YEATS2: variants seen among roughly 807,000 people sequenced by gnomAD.
YEATS2 encodes YEATS domain-containing protein 2.
In YEATS2, 77 loss-of-function variants were observed where a neutral mutation model predicts 163.2. The observed-to-expected ratio is 0.47, with a 90% confidence interval of 0.39 to 0.57. YEATS2 has a LOEUF of 0.57. Ranked by LOEUF, YEATS2 falls within the 20% of genes least tolerant of loss-of-function variation. The probability of loss-of-function intolerance (pLI) is 0.00; values close to 1 mark genes in which losing one functional copy is unlikely to be tolerated. For missense variants in YEATS2, 1,549 were observed against 1,729.8 expected (o/e 0.90, Z 1.85); for synonymous variants, 631 against 645.1 (o/e 0.98, Z 0.33).
At chr3:183,788,372 G>A (rs2108469356) in intron 20 of YEATS2, among the ~76,000 whole-genome samples, 1 of 152,098 alleles carries the variant, frequency 6.6e-6, no homozygotes, top group Admixed American at 6.5e-5. Context: ...TGTTTTAATT[G>A]TTAGCTCCCA....
intron 15 of YEATS2, among the ~76,000 whole-genome samples, chr3:183,771,452 T>C (rs1397847564): frequency 1.3e-5 from 2 of 151,780 alleles, no homozygotes; most frequent in African/African-American, 2.4e-5. Context: ...CTTAAAAGAA[T>C]TCATTTTACT....
Position 183,747,693 on chromosome 3 carries a change from T to C in YEATS2, c.946T>C (p.Leu316=). The change falls in exon 9 of 31, where the codon TTG becomes CTG. Residue 316 remains leucine (L), a synonymous_variant. Coordinates refer to ENST00000305135, the MANE Select transcript of YEATS2 (RefSeq NM_018023.5). Reference sequence around the variant, plus strand: ...ATAGCTGGATAGAACTTATACTGGCTTGCAGACTCTTGGAGCAGAGACGGT... The same window carrying C: ...ATAGCTGGATAGAACTTATACTGGCCTGCAGACTCTTGGAGCAGAGACGGT... ...NLKLDRTYTG[L]QTLGAETVVD... 6.2e-7 allele frequency: 1 copy of C among 1,613,344 alleles called. No homozygotes were observed. The highest frequency in any genetic ancestry group is 1.1e-5 in the South Asian group (1 of 91,056).
intron 21 of YEATS2, among the ~76,000 whole-genome samples, chr3:183,793,778 A>G (rs1395086105): frequency 6.6e-6 from 1 of 151,522 alleles, no homozygotes. Context: ...ACGTCCCACT[A>G]ATTCTTGTAT....
intron 7 of YEATS2, among the ~76,000 whole-genome samples, chr3:183,735,483 G>T (rs1218838788): frequency 6.6e-6 from 1 of 152,038 alleles, no homozygotes; most frequent in Admixed American, 6.6e-5. Context: ...TTTCTCTTTG[G>T]TTTATAAGGT....
chr3:183,758,305 C>T (rs2109327630), intron 12 of YEATS2, among the ~76,000 whole-genome samples: 2 of 152,032 alleles, frequency 1.3e-5, no homozygotes, highest in Middle Eastern at 6.8e-3. Context: ...TGCAGTGAGC[C>T]GAGATCAGGC....
At chr3:183,775,745 T>A (rs961766264) in intron 17 of YEATS2, among the ~76,000 whole-genome samples, 170 bp from the exon 18 acceptor site, 2 of 152,048 alleles carry the variant, frequency 1.3e-5, no homozygotes, top group African/African-American at 4.8e-5. Context: ...TCTAGGAAGT[T>A]CTCCTCACTC....
chr3:183,720,174 A>C (rs113876447), intron 4 of YEATS2, among the ~76,000 whole-genome samples: 5 of 152,276 alleles, frequency 3.3e-5, no homozygotes, highest in African/African-American at 1.2e-4. Flanking sequence ...AAGTTTGACC[A>C]CTTGGTTAAT....
intron 20 of YEATS2, 113 bp downstream of exon 20, chr3:183,786,414 C>CCT (rs551844966): frequency 6.0e-6 from 5 of 828,020 alleles, no homozygotes; most frequent in Non-Finnish European, 8.7e-6. Context: ...TCAACTATTG[C>CCT]TTTTTTTTTT....
chr3:183,752,405 A>C, intron 10 of YEATS2, 152 bp downstream of exon 10: 1 of 1,005,590 alleles, frequency 9.9e-7, no homozygotes, highest in Non-Finnish European at 1.4e-6. Context: ...CCAAATTTCC[A>C]CTCTTGTCAA....
chr3:183,717,822 T>C, intron 3 of YEATS2, 74 bp downstream of exon 3: 1 of 901,518 alleles, frequency 1.1e-6, no homozygotes, highest in South Asian at 3.1e-5. Flanking sequence ...AAATAATCTA[T>C]TGAGATGGAG....
intron 21 of YEATS2, 137 bp from the exon 22 acceptor site, chr3:183,797,786 C>A: frequency 9.6e-7 from 1 of 1,039,708 alleles, no homozygotes; most frequent in Non-Finnish European, 1.4e-6. Flanking sequence ...TTGTCTCCTG[C>A]TTCTTGCTCT....
intron 21 of YEATS2, among the ~76,000 whole-genome samples, chr3:183,792,482 T>A (rs1383778557): frequency 6.6e-6 from 1 of 152,194 alleles, no homozygotes; most frequent in African/African-American, 2.4e-5. Flanking sequence ...ATGAACTCAT[T>A]CTTTTTTATG....
chr3:183,773,812 G>C lies in YEATS2; in HGVS notation c.2368+18G>C. On this transcript the variant is annotated intron_variant, in intron 17 of 30. Transcript: ENST00000305135. The stretch of plus-strand genomic sequence containing the variant: ...CAATGCTAGTTAGTGAAACCATTGG[G>C]TTGAATCATTTGGTTCTTGGTTCTC... 1 of 1,591,890 alleles carries C rather than the reference G, an allele frequency of 6.3e-7. No individual in the cohort carries two copies. Among genetic ancestry groups the C allele is most frequent in the Non-Finnish European group, 8.5e-7 (1 of 1,172,026 alleles).
intron 1 of YEATS2, among the ~76,000 whole-genome samples, chr3:183,702,136 C>T (rs926770008): frequency 2.6e-5 from 4 of 152,124 alleles, no homozygotes; most frequent in African/African-American, 9.7e-5. Flanking sequence ...TACTACAGAA[C>T]AGATGATATG....
intron 11 of YEATS2, 116 bp from the exon 12 acceptor site, chr3:183,756,412 T>C (rs1720770401): frequency 2.0e-6 from 2 of 982,512 alleles, no homozygotes; most frequent in Middle Eastern, 2.3e-4. Context: ...CCATTTTATT[T>C]TCCCAATTTG....
At chr3:183,704,213 G>C (rs1013052085) in intron 1 of YEATS2, among the ~76,000 whole-genome samples, 4 of 150,348 alleles carry the variant, frequency 2.7e-5, no homozygotes, top group African/African-American at 9.8e-5. Context: ...AATCCCCTTC[G>C]TTCTAGATCT....
chr3:183,712,911 C>A (rs1267392722), intron 1 of YEATS2, among the ~76,000 whole-genome samples: 1 of 152,040 alleles, frequency 6.6e-6, no homozygotes, highest in Non-Finnish European at 1.5e-5. Flanking sequence ...CAGGAGCCCG[C>A]CACCAGGCCC....
At chr3:183,740,420 G>C (rs771223846) in intron 8 of YEATS2, among the ~76,000 whole-genome samples, 34 of 152,164 alleles carry the variant, frequency 2.2e-4, no homozygotes, top group Middle Eastern at 3.2e-3. Flanking sequence ...TCTCACACCA[G>C]GAAAAGTTCT....
At chr3:183,740,664 C>A (rs575882536) in intron 8 of YEATS2, among the ~76,000 whole-genome samples, 1 of 152,158 alleles carries the variant, frequency 6.6e-6, no homozygotes, top group Non-Finnish European at 1.5e-5. Flanking sequence ...GATGTTGGTT[C>A]GTGAGGTTTA....
Sources: allele counts gnomAD v4.1 joint callset (sites outside exome capture counted in the v4.1 genomes callset), GRCh38; gene constraint gnomAD v4.1.1; transcripts MANE v1.5; gene names NCBI Gene and HGNC (gene_info 2026-07-23, HGNC 2026-07-21).